The following LRP1B variants were observed in gnomAD, a reference collection of about 807,000 sequenced individuals.
LRP1B encodes low-density lipoprotein receptor-related protein 1B.
LRP1B carries 217 observed loss-of-function variants against 556.6 expected under a neutral mutation model. The observed-to-expected ratio is 0.39, with a 90% confidence interval of 0.35 to 0.44. LRP1B has a LOEUF of 0.44. LRP1B is among the 20% of genes least tolerant of loss of function. The pLI, the probability that LRP1B is intolerant of heterozygous loss-of-function variation, is 1.00. For synonymous variants in LRP1B, 2,047 were observed against 1,865.8 expected (o/e 1.10, Z -2.50); for missense variants, 5,053 against 5,620.8 (o/e 0.90, Z 3.23).
chr2:141,607,156 CA>C (rs10540068), intron 2 of LRP1B, among the ~76,000 whole-genome samples: 33,905 of 148,290 alleles, frequency 0.23, 3,852 homozygotes, highest in South Asian at 0.44. Context: ...ATTACTTTGA[CA>C]AAAAAAAAAA....
intron 31 of LRP1B, among the ~76,000 whole-genome samples, chr2:140,819,862 C>T (rs181252551): frequency 2.6e-5 from 4 of 152,122 alleles, no homozygotes; most frequent in Non-Finnish European, 5.9e-5. Flanking sequence ...AATGGTAAAA[C>T]CACTCTAGGA....
chr2:141,195,545 T>C (rs1406239683), intron 6 of LRP1B, among the ~76,000 whole-genome samples: 1 of 152,132 alleles, frequency 6.6e-6, no homozygotes, highest in East Asian at 1.9e-4. Flanking sequence ...ATGAATTTTG[T>C]TGGCTTCCCA....
intron 3 of LRP1B, among the ~76,000 whole-genome samples, chr2:141,458,433 A>G (rs1681719997): frequency 6.6e-6 from 1 of 152,174 alleles, no homozygotes; most frequent in Non-Finnish European, 1.5e-5. Flanking sequence ...TTGGCAACGT[A>G]TTTAGCCTAG....
intron 66 of LRP1B, among the ~76,000 whole-genome samples, chr2:140,399,588 T>C (rs766897717): frequency 6.3e-4 from 96 of 152,212 alleles, no homozygotes; most frequent in South Asian, 1.7e-3. Flanking sequence ...GAAAAGTACA[T>C]TTTAGAAACA....
intron 1 of LRP1B, among the ~76,000 whole-genome samples, chr2:141,919,530 C>A (rs542124329): frequency 4.6e-5 from 7 of 152,010 alleles, no homozygotes; most frequent in Middle Eastern, 3.4e-3. Flanking sequence ...TATTTTAATT[C>A]AAATTTATGT....
intron 25 of LRP1B, among the ~76,000 whole-genome samples, chr2:140,872,388 T>TTTTTTTA (rs70991113): frequency 7.6e-6 from 1 of 132,250 alleles, no homozygotes; most frequent in South Asian, 2.4e-4. Context: ...TTTTTTTTTT[T>TTTTTTTA]ACTAAAGTAG....
chr2:142,081,974 C>T (rs1421724303), intron 1 of LRP1B, among the ~76,000 whole-genome samples: 3 of 152,146 alleles, frequency 2.0e-5, no homozygotes, highest in African/African-American at 7.2e-5. Context: ...AGTGGTAGAA[C>T]TAGATTTCAG....
At chr2:141,410,492 C>T (rs1690812381) in intron 3 of LRP1B, among the ~76,000 whole-genome samples, 1 of 152,012 alleles carries the variant, frequency 6.6e-6, no homozygotes, top group African/African-American at 2.4e-5. Flanking sequence ...ACATCAGGTA[C>T]AGTTTAAGGC....
At chr2:141,664,442 C>G (rs923620985) in intron 2 of LRP1B, among the ~76,000 whole-genome samples, 2 of 152,018 alleles carry the variant, frequency 1.3e-5, no homozygotes, top group Non-Finnish European at 2.9e-5. Context: ...ATGACATGAT[C>G]CTATATCTAG....
At chr2:141,664,087 C>T (rs1204552051) in intron 2 of LRP1B, among the ~76,000 whole-genome samples, 1 of 152,108 alleles carries the variant, frequency 6.6e-6, no homozygotes, top group East Asian at 1.9e-4. Flanking sequence ...GTTCAACATA[C>T]ACAAATCAAT....
intron 2 of LRP1B, among the ~76,000 whole-genome samples, chr2:141,506,044 T>C (rs1438495689): frequency 2.0e-5 from 3 of 152,016 alleles, no homozygotes; most frequent in Admixed American, 6.6e-5. Context: ...CTGTTAGGGA[T>C]AGAAATTCCT....
At chr2:141,214,698 T>C (rs1489977736) in intron 6 of LRP1B, among the ~76,000 whole-genome samples, 12 of 152,194 alleles carry the variant, frequency 7.9e-5, no homozygotes, top group Non-Finnish European at 2.9e-5. Context: ...ATTAAGCTGT[T>C]CCTATGTTCA....
intron 43 of LRP1B, among the ~76,000 whole-genome samples, chr2:140,588,772 A>T (rs138898988): frequency 6.6e-6 from 1 of 152,244 alleles, no homozygotes; most frequent in East Asian, 1.9e-4. Context: ...AGCCTGGCTA[A>T]CACGGTGAAA....
chr2:141,966,406 T>C (rs1701567144), intron 1 of LRP1B, among the ~76,000 whole-genome samples: 1 of 151,858 alleles, frequency 6.6e-6, no homozygotes, highest in Admixed American at 6.6e-5. Context: ...TTGGATACAG[T>C]GACACATGAG....
intron 1 of LRP1B, among the ~76,000 whole-genome samples, chr2:141,962,821 T>G (rs1289717601): frequency 6.6e-6 from 1 of 151,812 alleles, no homozygotes; most frequent in Non-Finnish European, 1.5e-5. Flanking sequence ...ACACATCATC[T>G]AGCCCTCCCT....
intron 1 of LRP1B, among the ~76,000 whole-genome samples, chr2:141,855,630 C>T (rs1200042281): frequency 6.6e-6 from 1 of 152,050 alleles, no homozygotes; most frequent in African/African-American, 2.4e-5. Flanking sequence ...AATTCCTGTT[C>T]TCCACTTGGG....
intron 3 of LRP1B, among the ~76,000 whole-genome samples, chr2:141,473,333 T>C (rs1362951327): frequency 6.6e-6 from 1 of 152,168 alleles, no homozygotes; most frequent in Non-Finnish European, 1.5e-5. Flanking sequence ...CAATCCTAAT[T>C]TCATGTAGGT....
At chr2:141,228,021 G>T (rs908881975) in intron 6 of LRP1B, among the ~76,000 whole-genome samples, 1 of 152,058 alleles carries the variant, frequency 6.6e-6, no homozygotes, top group African/African-American at 2.4e-5. Flanking sequence ...CCACCTCCTG[G>T]GTTCAAGCGA....
intron 1 of LRP1B, among the ~76,000 whole-genome samples, chr2:142,071,552 C>CATTTAT: frequency 6.6e-6 from 1 of 151,848 alleles, no homozygotes; most frequent in East Asian, 1.9e-4. Context: ...TTTAAATATC[C>CATTTAT]TCATTTATAA....
Sources: allele counts gnomAD v4.1 joint callset (sites outside exome capture counted in the v4.1 genomes callset), GRCh38; gene constraint gnomAD v4.1.1; transcripts MANE v1.5; gene names NCBI Gene and HGNC (gene_info 2026-07-23, HGNC 2026-07-21).